The following SHC4 variants were observed in gnomAD, a reference collection of about 807,000 sequenced individuals.
SHC4 encodes SHC-transforming protein 4.
A neutral mutation model predicts 69.4 loss-of-function variants in SHC4; 41 were observed. The ratio of observed to expected loss-of-function variants is 0.59; its 90% CI spans 0.46 to 0.77. The LOEUF is 0.77. Among genes scored for constraint, SHC4 ranks in the 30% least tolerant of loss-of-function variants. The pLI, the probability that SHC4 is intolerant of heterozygous loss-of-function variation, is 0.00. For synonymous variants in SHC4, 318 were observed against 299.3 expected, an observed-to-expected ratio of 1.06 and a Z score of -0.64; for missense variants, 777 against 783.8, an observed-to-expected ratio of 0.99 and a Z score of 0.10.
intron 10 of SHC4, among the ~76,000 whole-genome samples, chr15:48,838,657 T>C (rs1254409011): frequency 6.6e-6 from 1 of 152,152 alleles, no homozygotes; most frequent in Non-Finnish European, 1.5e-5. Flanking sequence ...GCATAGCAAT[T>C]AGTATATAGT....
At chr15:48,898,395 T>C (rs777705875) in intron 2 of SHC4, among the ~76,000 whole-genome samples, 1 of 152,200 alleles carries the variant, frequency 6.6e-6, no homozygotes, top group Non-Finnish European at 1.5e-5. Context: ...CCTCATAAAA[T>C]ACATCCTTTC....
At chr15:48,944,688 G>T (rs1901242500) in intron 1 of SHC4, among the ~76,000 whole-genome samples, 1 of 152,172 alleles carries the variant, frequency 6.6e-6, no homozygotes, top group African/African-American at 2.4e-5. Context: ...ATAATCTGAA[G>T]TGATAAGGGG....
chr15:48,895,411 G>C (rs1485079875), intron 2 of SHC4, among the ~76,000 whole-genome samples: 1 of 152,110 alleles, frequency 6.6e-6, no homozygotes, highest in East Asian at 1.9e-4. Flanking sequence ...TATATTGACT[G>C]TCCTTCCCTT....
At position 48,939,123 on chromosome 15, in the gene SHC4, TC is replaced by T. The variant is rs1901128182; in HGVS notation, c.586-14175del. On this transcript the variant is annotated intron_variant, in intron 1 of 11. Transcript: ENST00000332408. Reference sequence around the variant, plus strand: ...TACAGTGGGATGACTATACTGCTGTTCCTGATTGTCTTCAGTTCTACCTGCC... The same window carrying T: ...TACAGTGGGATGACTATACTGCTGTTCTGATTGTCTTCAGTTCTACCTGCC... Among the ~76,000 whole-genome samples, 6 of 152,328 alleles carry T rather than the reference TC, an allele frequency of 3.9e-5. 1 individual carries two copies. The South Asian group carries it at 1.2e-3, about 32-fold the overall frequency.
chr15:48,833,646 C>G (rs1045451334), intron 11 of SHC4, among the ~76,000 whole-genome samples: 2 of 152,162 alleles, frequency 1.3e-5, no homozygotes, highest in African/African-American at 4.8e-5. Context: ...ATGGCAGTAC[C>G]ATGAGCACTC....
intron 1 of SHC4, among the ~76,000 whole-genome samples, chr15:48,941,203 G>C (rs991206689): frequency 1.3e-5 from 2 of 152,174 alleles, no homozygotes; most frequent in African/African-American, 4.8e-5. Context: ...GTATAAGACA[G>C]CAGCAGTCAA....
At chr15:48,926,402 G>A (rs1012015406) in intron 1 of SHC4, among the ~76,000 whole-genome samples, 2 of 151,976 alleles carry the variant, frequency 1.3e-5, no homozygotes, top group Admixed American at 6.6e-5. Flanking sequence ...ACTGTCAAAA[G>A]ATGTCAGGAG....
intron 11 of SHC4, among the ~76,000 whole-genome samples, chr15:48,831,417 C>A (rs1230181162): frequency 6.6e-6 from 1 of 152,134 alleles, no homozygotes; most frequent in Non-Finnish European, 1.5e-5. Context: ...AGTAAATGTT[C>A]TACATAGGTG....
chr15:48,938,127 G>A (rs1159957210), intron 1 of SHC4: 1 of 152,134 alleles, frequency 6.6e-6, no homozygotes, highest in East Asian at 1.9e-4. Flanking sequence ...TAACCTGGTG[G>A]GACTGGTTCT....
At chr15:48,931,550 G>A (rs542282225) in intron 1 of SHC4, among the ~76,000 whole-genome samples, 9 of 151,740 alleles carry the variant, frequency 5.9e-5, no homozygotes, top group South Asian at 2.1e-4. Context: ...GAGGTAAGCC[G>A]CATCCTTTCA....
rs533990060 is a variant in SHC4, at chr15:48,877,423, T to C, written c.841-5281A>G. ...TACACAGTCATATAATTCATATAAG[T>C]ATATACAACTTAAAACCTGAGGCTT... On this transcript the variant is annotated intron_variant, in intron 4 of 11. Transcript: ENST00000332408. 7 of 976,038 alleles carry C rather than the reference T, an allele frequency of 7.2e-6. No individual in the cohort carries two copies. The African/African-American group carries it at 1.2e-4, about 17-fold the overall frequency. The allele number at this position is 976,038 out of a possible 1,614,324, so 60.5% of individuals were successfully genotyped here. A position where few individuals can be genotyped will look rare whatever the true frequency, so the allele number is the denominator to read the frequency against.
chr15:48,868,319 G>C (rs897613663), intron 5 of SHC4, among the ~76,000 whole-genome samples: 1 of 152,172 alleles, frequency 6.6e-6, no homozygotes, highest in Non-Finnish European at 1.5e-5. Context: ...GTTGACTAAA[G>C]AGACATGTTG....
chr15:48,826,188 A>C lies in SHC4; in HGVS notation c.1738-62T>G, dbSNP rs142827975. ...ATAGTAGTTCTCCTGAAAGATATAA[A>C]TAATAAGGGGGAAAATGCCAGATAT... is the stretch of plus-strand genomic sequence containing the variant. On this transcript the variant is annotated intron_variant, in intron 11 of 11. Transcript: ENST00000332408. 5.5e-5 allele frequency: 81 copies of C among 1,479,186 alleles called. No homozygotes were observed. The African/African-American group carries it at 8.8e-4, about 16-fold the overall frequency. The allele number at this position is 1,479,186 out of a possible 1,614,324, so 91.6% of individuals were successfully genotyped here.
chr15:48,840,292 T>C (rs1196136390), intron 10 of SHC4, among the ~76,000 whole-genome samples: 1 of 152,304 alleles, frequency 6.6e-6, no homozygotes, highest in East Asian at 1.9e-4. Context: ...AAACTAACAA[T>C]AAATCAAAAC....
intron 2 of SHC4, among the ~76,000 whole-genome samples, chr15:48,913,292 TG>T (rs1366919238): frequency 1.3e-5 from 2 of 152,024 alleles, no homozygotes; most frequent in African/African-American, 4.8e-5. Flanking sequence ...GGGATGTGGG[TG>T]GGGTTCCCAG....
chr15:48,957,038 C>G (rs1901469007), intron 1 of SHC4, among the ~76,000 whole-genome samples: 1 of 126,330 alleles, frequency 7.9e-6, no homozygotes, highest in South Asian at 2.5e-4. Context: ...AGTGTAGTGG[C>G]ATGATCTCAG....
intron 1 of SHC4, among the ~76,000 whole-genome samples, chr15:48,955,028 A>G (rs1159705222): frequency 1.3e-5 from 2 of 152,070 alleles, no homozygotes; most frequent in African/African-American, 4.8e-5. Context: ...GAGTTCTACC[A>G]CCCTTAAAAA....
chr15:48,829,816 G>A (rs1009942934), intron 11 of SHC4, among the ~76,000 whole-genome samples: 2 of 152,216 alleles, frequency 1.3e-5, no homozygotes, highest in African/African-American at 4.8e-5. Flanking sequence ...CTACTTGGGA[G>A]GCTGAGGCAG....
rs1403251327 is a variant in SHC4, at chr15:48,963,157, C to T, written c.-142G>A. 2 of 847,522 alleles carry T rather than the reference C, an allele frequency of 2.4e-6. No individual in the cohort carries two copies. Among genetic ancestry groups the T allele is most frequent in the South Asian group, 1.8e-5 (1 of 56,534 alleles). The allele number at this position is 847,522 out of a possible 1,614,324, so 52.5% of individuals were successfully genotyped here. On this transcript the variant is annotated 5_prime_UTR_variant, in exon 1 of 12. It adds an upstream start codon to the 5' untranslated region. Coordinates refer to ENST00000332408, the MANE Select transcript of SHC4 (RefSeq NM_203349.4). ...CCAACTCTGCTCTCGAGCTCGCCCA[C>T]CTCGGCTCCCGGCCCCTTAAGGGTG...
Sources: gnomAD v4.1 joint callset for allele counts (sites outside exome capture counted in the v4.1 genomes callset) on GRCh38, gnomAD v4.1.1 for gene constraint, MANE v1.5 for transcripts, NCBI Gene and HGNC (gene_info 2026-07-23, HGNC 2026-07-21) for gene names.